Variants in NEGR1 observed in about 807,000 individuals in gnomAD.
NEGR1 encodes IgLON family member 4.
In NEGR1, 10 loss-of-function variants were observed where a neutral mutation model predicts 40.9. The ratio of observed to expected loss-of-function variants is 0.24; its 90% confidence interval spans 0.15 to 0.42. The LOEUF (loss-of-function observed/expected upper bound fraction) is 0.42. Ranked by LOEUF, NEGR1 falls within the 10% of genes least tolerant of loss-of-function variation. The probability of loss-of-function intolerance (pLI) is 1.00; values close to 1 mark genes in which losing one functional copy is unlikely to be tolerated. For missense variants in NEGR1, 352 were observed against 438.9 expected, an observed-to-expected ratio of 0.80 and a Z score of 1.77; for synonymous variants, 185 against 166.8, an observed-to-expected ratio of 1.11 and a Z score of -0.84.
At chr1:72,171,880 C>T (rs1055104952) in intron 1 of NEGR1, among the ~76,000 whole-genome samples, 4 of 152,118 alleles carry the variant, frequency 2.6e-5, no homozygotes, top group Non-Finnish European at 4.4e-5. Flanking sequence ...AACAACTAAA[C>T]ATTTTTTTCT....
At chr1:71,417,525 T>G (rs547367724) in intron 6 of NEGR1, among the ~76,000 whole-genome samples, 1 of 152,288 alleles carries the variant, frequency 6.6e-6, no homozygotes, top group South Asian at 2.1e-4. Context: ...AATATAGAGT[T>G]ATACCTTTAC....
intron 4 of NEGR1, among the ~76,000 whole-genome samples, chr1:71,644,151 G>T (rs1043057939): frequency 4.0e-5 from 6 of 151,858 alleles, no homozygotes; most frequent in African/African-American, 1.5e-4. Flanking sequence ...TGGCCTTTGT[G>T]ATCCCCTGAC....
intron 6 of NEGR1, among the ~76,000 whole-genome samples, chr1:71,583,109 A>G (rs982481543): frequency 7.9e-6 from 1 of 126,332 alleles, no homozygotes; most frequent in African/African-American, 2.8e-5. Context: ...AGAGGAAGGG[A>G]TACAGAAAGT....
At chr1:71,626,293 G>A (rs541951939) in intron 4 of NEGR1, among the ~76,000 whole-genome samples, 31 of 151,928 alleles carry the variant, frequency 2.0e-4, no homozygotes, top group Non-Finnish European at 2.2e-4. Flanking sequence ...CATGTGCCAC[G>A]TTGGTGTGCT....
chr1:71,494,955 A>G (rs1444170756), intron 6 of NEGR1, among the ~76,000 whole-genome samples: 2 of 152,182 alleles, frequency 1.3e-5, no homozygotes, highest in Non-Finnish European at 2.9e-5. Flanking sequence ...CATGAAGATG[A>G]CAAAGATGCA....
intron 1 of NEGR1, among the ~76,000 whole-genome samples, chr1:72,180,636 A>G (rs528175980): frequency 3.9e-4 from 59 of 152,240 alleles, no homozygotes; most frequent in African/African-American, 1.2e-3. Context: ...TCACCCAATT[A>G]AAAAATGAGC....
At chr1:72,039,783 G>A (rs1339953115) in intron 1 of NEGR1, among the ~76,000 whole-genome samples, 4 of 151,934 alleles carry the variant, frequency 2.6e-5, no homozygotes, top group South Asian at 2.1e-4. Flanking sequence ...AGAATGTGGC[G>A]AGAAGGGCTG....
Position 71,942,828 on chromosome 1 carries a change from T to A in NEGR1, c.177-7517A>T, listed in dbSNP as rs1645979273. On this transcript the variant is annotated intron_variant, in intron 1 of 6. Transcript: ENST00000357731. ...AAATCTATATTTTTTAAGAGACAAA[T>A]TCTTGCTCTGTCACCCAGGCTTGAG... is the stretch of plus-strand genomic sequence containing the variant. Among the ~76,000 whole-genome samples, 3 of 149,438 alleles carry A rather than the reference T, an allele frequency of 2.0e-5. No individual in the cohort carries two copies. In the Admixed American group the frequency reaches 2.0e-4, roughly 10 times the overall value.
chr1:72,058,263 T>C lies in NEGR1; in HGVS notation c.177-122952A>G, dbSNP rs925695367. On this transcript the variant is annotated intron_variant, in intron 1 of 6. Transcript: ENST00000357731. Reference sequence around the variant, plus strand: ...TATTCTAAATGTATCTAATAAGTTTTTTTTTTGTATTTGAAATCTCAAAGG... The same window carrying C: ...TATTCTAAATGTATCTAATAAGTTTCTTTTTTGTATTTGAAATCTCAAAGG... 2.0e-5 allele frequency among the ~76,000 whole-genome samples: 3 copies of C among 151,620 alleles called. No homozygotes were observed. In the East Asian group the frequency reaches 5.8e-4, roughly 29 times the overall value.
At chr1:71,914,220 A>G (rs983143178) in intron 2 of NEGR1, among the ~76,000 whole-genome samples, 1 of 152,212 alleles carries the variant, frequency 6.6e-6, no homozygotes, top group Non-Finnish European at 1.5e-5. Context: ...TATCCTGAGG[A>G]CAGGAATACA....
intron 6 of NEGR1, among the ~76,000 whole-genome samples, chr1:71,471,949 A>G (rs1050259737): frequency 1.3e-5 from 2 of 151,950 alleles, no homozygotes; most frequent in East Asian, 3.9e-4. Context: ...CTTATTCTCT[A>G]TTCTTCCCTT....
At chr1:71,413,596 C>T (rs1004615042) in intron 6 of NEGR1, among the ~76,000 whole-genome samples, 2 of 152,120 alleles carry the variant, frequency 1.3e-5, no homozygotes, top group Non-Finnish European at 2.9e-5. Flanking sequence ...AGGATATGAC[C>T]TCTTCCTTTT....
chr1:71,825,715 CAT>C (rs779324443), intron 2 of NEGR1, among the ~76,000 whole-genome samples: 4 of 151,746 alleles, frequency 2.6e-5, no homozygotes, highest in Non-Finnish European at 5.9e-5. Flanking sequence ...AAAAGGATCA[CAT>C]GTGATTATGC....
chr1:71,836,655 TA>T (rs977486060), intron 2 of NEGR1, among the ~76,000 whole-genome samples: 10 of 151,492 alleles, frequency 6.6e-5, no homozygotes, highest in South Asian at 6.2e-4. Context: ...ATAATTCCTA[TA>T]AAAAAAACTC....
intron 6 of NEGR1, among the ~76,000 whole-genome samples, chr1:71,576,154 T>C (rs191455932): frequency 2.0e-5 from 3 of 152,268 alleles, no homozygotes; most frequent in Admixed American, 2.0e-4. Flanking sequence ...TGGCTGCCCA[T>C]AGAGTTATCT....
chr1:72,102,659 C>T (rs1323703505), intron 1 of NEGR1, among the ~76,000 whole-genome samples: 3 of 152,082 alleles, frequency 2.0e-5, no homozygotes, highest in Non-Finnish European at 2.9e-5. Context: ...TAAAGTGTCA[C>T]ATCTTATTAA....
intron 6 of NEGR1, chr1:71,468,175 A>G (rs1646758854): frequency 1.3e-5 from 2 of 151,952 alleles, no homozygotes; most frequent in African/African-American, 2.4e-5. Flanking sequence ...ATATATTTAG[A>G]TGATTATTTT....
chr1:71,619,433 T>C (rs1650546004), intron 4 of NEGR1, among the ~76,000 whole-genome samples: 1 of 152,108 alleles, frequency 6.6e-6, no homozygotes, highest in Non-Finnish European at 1.5e-5. Context: ...TCCAGAACTG[T>C]TTTTCTTTTT....
At chr1:71,791,142 A>G (rs745593605) in intron 2 of NEGR1, among the ~76,000 whole-genome samples, 68 of 152,056 alleles carry the variant, frequency 4.5e-4, no homozygotes, top group Admixed American at 2.0e-3. Flanking sequence ...ATGCACTGAC[A>G]AACAATGTCA....
Sources: allele counts gnomAD v4.1 joint callset (sites outside exome capture counted in the v4.1 genomes callset), GRCh38; gene constraint gnomAD v4.1.1; transcripts MANE v1.5; gene names NCBI Gene and HGNC (gene_info 2026-07-23, HGNC 2026-07-21).